The following THRB variants were observed in gnomAD, a reference collection of about 807,000 sequenced individuals.
THRB encodes nuclear receptor subfamily 1 group A member 2.
In THRB, 12 loss-of-function variants were observed where a neutral mutation model predicts 47.8. The observed-to-expected ratio is 0.25, with a 90% CI of 0.16 to 0.41. The LOEUF is 0.41. Ranked by LOEUF, THRB falls within the 10% of genes least tolerant of loss-of-function variation. THRB has a pLI of 1.00. For synonymous variants in THRB, 218 were observed against 212.2 expected, an observed-to-expected ratio of 1.03 and a Z score of -0.24; for missense variants, 348 against 589.2, an observed-to-expected ratio of 0.59 and a Z score of 4.24.
chr3:24,273,113 A>T lies in THRB; in HGVS notation c.-43+24113T>A, dbSNP rs189878609. ...CTTTTTCTAATAGAAAGAATGTAAC[A>T]GGTTGCTATGAATTAAACACACACA... On this transcript the variant is annotated intron_variant, in intron 3 of 10. Coordinates refer to ENST00000646209, the MANE Select transcript of THRB (RefSeq NM_001354712.2). Among the ~76,000 whole-genome samples, 447 of 152,118 alleles carry T rather than the reference A, an allele frequency of 2.9e-3. 3 individuals are homozygous for T. Among genetic ancestry groups the T allele is most frequent in the Middle Eastern group, 0.027 (8 of 294 alleles).
At chr3:24,259,168 C>T (rs1013190979) in intron 3 of THRB, among the ~76,000 whole-genome samples, 18 of 152,160 alleles carry the variant, frequency 1.2e-4, no homozygotes, top group African/African-American at 4.3e-4. Flanking sequence ...TTTTCAGGTG[C>T]TGCAAGGCAA....
In THRB at chr3:24,152,632, G is replaced by T. The variant is rs372082754; in HGVS notation, c.284-142C>A. On this transcript the variant is annotated intron_variant, in intron 5 of 10. Transcript: ENST00000646209. ...AGTAAAGACTTAGTGAAACCAAACG[G>T]TAAGAATTTTATACTCATAGAGTTA... 8.1e-4 allele frequency: 541 copies of T among 664,354 alleles called. 4 individuals carry two copies. The African/African-American group carries it at 9.1e-3, about 11-fold the overall frequency. The allele number at this position is 664,354 out of a possible 1,614,324, so 41.2% of individuals were successfully genotyped here. A position where few individuals can be genotyped will look rare whatever the true frequency, so the allele number is the denominator to read the frequency against.
At chr3:24,481,087 C>T (rs902271129) in intron 1 of THRB, among the ~76,000 whole-genome samples, 1 of 152,182 alleles carries the variant, frequency 6.6e-6, no homozygotes, top group Non-Finnish European at 1.5e-5. Context: ...AGTTTCCTTA[C>T]AAATCATCAG....
chr3:24,143,278 G>A (rs1435120949), intron 8 of THRB, among the ~76,000 whole-genome samples: 1 of 152,162 alleles, frequency 6.6e-6, no homozygotes, highest in Non-Finnish European at 1.5e-5. Flanking sequence ...AACTGTTTTA[G>A]AATTCAGCAA....
rs144202199 is a variant in THRB, at chr3:24,334,950, C to T, written c.-189+2350G>A. On this transcript the variant is annotated intron_variant, in intron 2 of 10. Coordinates refer to ENST00000646209, the MANE Select transcript of THRB (RefSeq NM_001354712.2). The stretch of plus-strand genomic sequence containing the variant: ...CAGAATGGGTATACAACATGTGTAA[C>T]GTTTGTCACGTGTTTCTCACTTACG... Among the ~76,000 whole-genome samples, 223 of 152,256 alleles carry T rather than the reference C, an allele frequency of 1.5e-3. 1 individual carries two copies. The highest frequency in any genetic ancestry group is 4.8e-3 in the African/African-American group (201 of 41,538).
At position 24,118,111 on chromosome 3, in the gene THRB, A is replaced by C. The variant is rs1403889176; in HGVS notation, c.*4773T>G. 2 of 152,632 alleles carry C rather than the reference A, an allele frequency of 1.3e-5. No individual in the cohort carries two copies. The highest frequency in any genetic ancestry group is 2.9e-5 in the Non-Finnish European group (2 of 68,058). 9.5% of individuals were successfully genotyped at this position (152,632 alleles called of 1,614,324 possible). The stretch of plus-strand genomic sequence containing the variant: ...TTATTTATGAAATAAATGTCCTTAC[A>C]TCCGTGGTTCCGTCTTTTGGCAGCA... On this transcript the variant is annotated 3_prime_UTR_variant, in exon 11 of 11. Transcript: ENST00000646209.
intron 3 of THRB, among the ~76,000 whole-genome samples, chr3:24,230,676 C>G (rs146237346): frequency 7.9e-5 from 12 of 152,238 alleles, no homozygotes; most frequent in Admixed American, 7.8e-4. Context: ...CATTAACCAC[C>G]CCCTCTGAAC....
At chr3:24,428,867 TAAG>T (rs1270239849) in intron 1 of THRB, among the ~76,000 whole-genome samples, 3 of 136,252 alleles carry the variant, frequency 2.2e-5, no homozygotes, top group East Asian at 2.2e-4. Context: ...ACTGAAAAAA[TAAG>T]AAGATTGAAG....
In THRB at chr3:24,122,983, C is replaced by T; in HGVS notation, c.1287G>A (p.Arg429=). ...PKLLMKVTDL[R]MIGACHASRF... is the part of the protein sequence containing the mutation. ...GGCTGGCATGGCAGGCTCCTATCAT[C>T]CGCAGATCTGTCACCTTCATCAGGA... Residue 429 remains arginine, a synonymous_variant, in exon 11 of 11, where the codon CGG becomes CGA. Transcript: ENST00000646209. 6.2e-7 allele frequency: 1 copy of T among 1,614,224 alleles called. No individual in the cohort carries two copies. Among genetic ancestry groups the T allele is most frequent in the Non-Finnish European group, 8.5e-7 (1 of 1,180,038 alleles).
At chr3:24,169,879 T>C (rs113852042) in intron 5 of THRB, among the ~76,000 whole-genome samples, 15 of 152,186 alleles carry the variant, frequency 9.9e-5, no homozygotes, top group Admixed American at 3.3e-4. Flanking sequence ...TGTGCTACCA[T>C]GGCAGAGTTG....
intron 1 of THRB, among the ~76,000 whole-genome samples, chr3:24,469,429 C>T (rs2074396747): frequency 6.6e-6 from 1 of 152,204 alleles, no homozygotes; most frequent in Non-Finnish European, 1.5e-5. Flanking sequence ...TTAGCATCAC[C>T]ATTAGCCCTA....
In THRB at chr3:24,317,182, G is replaced by A. The variant is rs556320412; in HGVS notation, c.-188-19811C>T. On this transcript the variant is annotated intron_variant, in intron 2 of 10. Transcript: ENST00000646209. ...TGGGGTCTGTAAGTATGAGTTTGTG[G>A]GTTCAAATTCCACCTGTGACTTGAG... is the stretch of plus-strand genomic sequence containing the variant. Among the ~76,000 whole-genome samples the A allele has an allele frequency of 1.6e-3, 250 of 152,178 alleles. 2 individuals are homozygous for A. The highest frequency in any genetic ancestry group is 2.3e-3 in the Non-Finnish European group (154 of 67,998).
At chr3:24,180,953 C>T (rs548333846) in intron 5 of THRB, among the ~76,000 whole-genome samples, 3 of 152,278 alleles carry the variant, frequency 2.0e-5, no homozygotes, top group East Asian at 1.9e-4. Flanking sequence ...GTCACCAACA[C>T]CTTCAGGGGA....
intron 1 of THRB, chr3:24,431,156 A>G (rs1376402778): frequency 6.6e-6 from 1 of 152,008 alleles, no homozygotes; most frequent in East Asian, 1.9e-4. Context: ...AAAATAACAT[A>G]TGTTCATTTA....
At chr3:24,238,939 A>C (rs1362200056) in intron 3 of THRB, among the ~76,000 whole-genome samples, 2 of 150,112 alleles carry the variant, frequency 1.3e-5, no homozygotes, top group Non-Finnish European at 3.0e-5. Context: ...CTCACGCATT[A>C]GGTTCTTTTT....
At chr3:24,476,560 T>C (rs900424916) in intron 1 of THRB, among the ~76,000 whole-genome samples, 1 of 152,198 alleles carries the variant, frequency 6.6e-6, no homozygotes, top group Non-Finnish European at 1.5e-5. Context: ...AAAAATTAGT[T>C]GCAAGTTTGT....
chr3:24,403,688 A>T (rs1184281868), intron 1 of THRB, among the ~76,000 whole-genome samples: 1 of 151,974 alleles, frequency 6.6e-6, no homozygotes, highest in Non-Finnish European at 1.5e-5. Context: ...GTCCTTGATT[A>T]AACAGTAAAA....
At chr3:24,239,568 C>T (rs2049266210) in intron 3 of THRB, among the ~76,000 whole-genome samples, 1 of 151,924 alleles carries the variant, frequency 6.6e-6, no homozygotes, top group South Asian at 2.1e-4. Flanking sequence ...CCTGTCTTGG[C>T]CTCTATCATT....
intron 1 of THRB, chr3:24,458,445 AAAG>A (rs1331119585): frequency 2.6e-5 from 4 of 152,254 alleles, no homozygotes; most frequent in Admixed American, 6.5e-5. Context: ...AGATTTAAAA[AAAG>A]AAGGAGCTTT....
Sources: allele counts gnomAD v4.1 joint callset (sites outside exome capture counted in the v4.1 genomes callset), GRCh38; gene constraint gnomAD v4.1.1; transcripts MANE v1.5; gene names NCBI Gene and HGNC (gene_info 2026-07-23, HGNC 2026-07-21).